Variants in UBAP2 observed in about 807,000 individuals in gnomAD.
The protein encoded by UBAP2 is ubiquitin-associated protein 2.
Under a neutral mutation model 139.6 loss-of-function variants are expected in UBAP2, and 75 were observed. That is an observed-to-expected ratio of 0.54 (90% CI 0.45 to 0.65). UBAP2 has a LOEUF of 0.65. Among genes scored for constraint, UBAP2 ranks in the 30% least tolerant of loss-of-function variants. UBAP2 has a pLI of 0.00. For missense variants in UBAP2, 1,368 were observed against 1,369.6 expected, an observed-to-expected ratio of 1.00 and a Z score of 0.02; for synonymous variants, 526 against 526.2, an observed-to-expected ratio of 1.00 and a Z score of 0.01.
At chr9:34,004,473 A>T (rs1031359087) in intron 2 of UBAP2, among the ~76,000 whole-genome samples, 1 of 151,670 alleles carries the variant, frequency 6.6e-6, no homozygotes, top group African/African-American at 2.4e-5. Context: ...TGACAGAACA[A>T]CCTGGTCACA....
chr9:33,985,510 T>C (rs934346704), intron 6 of UBAP2, among the ~76,000 whole-genome samples: 11 of 152,184 alleles, frequency 7.2e-5, no homozygotes, highest in Non-Finnish European at 1.5e-5. Context: ...ATCACGTCCT[T>C]TGGAGCAACA....
At chr9:34,011,775 A>C in intron 2 of UBAP2, 21 of 399,238 alleles carry the variant, frequency 5.3e-5, no homozygotes, top group South Asian at 1.0e-4. Context: ...GTCACATCTC[A>C]AGTTGAAAAA....
intron 12 of UBAP2, among the ~76,000 whole-genome samples, chr9:33,949,336 A>G (rs116231994): frequency 0.018 from 2,726 of 152,278 alleles, 87 homozygotes; most frequent in African/African-American, 0.062. Flanking sequence ...TCTGTGAACC[A>G]CAGTCTTCAT....
intron 1 of UBAP2, among the ~76,000 whole-genome samples, chr9:34,020,689 T>C (rs1160236729): frequency 1.3e-5 from 2 of 150,658 alleles, no homozygotes; most frequent in East Asian, 3.9e-4. Flanking sequence ...AGACAGAGTC[T>C]GGCTCAGTCA....
chr9:33,942,943 GGATATACATCCCAAA>G (rs1324049629), intron 15 of UBAP2, among the ~76,000 whole-genome samples: 3 of 151,938 alleles, frequency 2.0e-5, no homozygotes, highest in Non-Finnish European at 4.4e-5. Context: ...TCTACTCCTG[GGATATACATCCCAAA>G]GAACTGAAAG....
At chr9:34,013,968 A>T (rs1034526191) in intron 2 of UBAP2, among the ~76,000 whole-genome samples, 2 of 152,174 alleles carry the variant, frequency 1.3e-5, no homozygotes, top group African/African-American at 4.8e-5. Flanking sequence ...TTCCCAGAAT[A>T]GGATTAATGA....
At position 33,932,592 on chromosome 9, in the gene UBAP2, A is replaced by G. The variant is rs1466607438; in HGVS notation, c.2145T>C (p.His715=). The G allele has an allele frequency of 5.0e-6, 8 of 1,613,950 alleles. No homozygotes were observed. The highest frequency in any genetic ancestry group is 5.1e-6 in the Non-Finnish European group (6 of 1,180,026). Residue 715 remains histidine (H), a synonymous_variant, in exon 19 of 29, where the codon CAT becomes CAC. Coordinates refer to ENST00000379238, the MANE Select transcript of UBAP2 (RefSeq NM_001370062.2). ...GTGACGTGCTCGAGGAGAGGGCTGC[A>G]TGTGCAGAGAGGCTGCTCTGGTGGC... ...LSSHQSSLSA[H]AALSSSTSHT...
intron 2 of UBAP2, among the ~76,000 whole-genome samples, chr9:34,013,793 C>G (rs540426282): frequency 3.3e-5 from 5 of 151,702 alleles, no homozygotes; most frequent in African/African-American, 4.8e-5. Flanking sequence ...AGGAGAATCG[C>G]TTGGACCCAG....
At chr9:33,954,269 T>TACACACAC (rs60078088) in intron 11 of UBAP2, among the ~76,000 whole-genome samples, 2,151 of 139,888 alleles carry the variant, frequency 0.015, 38 homozygotes, top group African/African-American at 0.034. Context: ...TGTGTGTATA[T>TACACACAC]ACACACACAC....
At chr9:33,926,883 G>T in intron 21 of UBAP2, 106 bp downstream of exon 21, 2 of 1,163,484 alleles carry the variant, frequency 1.7e-6, no homozygotes, top group South Asian at 1.3e-5. Flanking sequence ...AGGGATGGAA[G>T]GGCAGCTCAA....
At position 33,922,600 on chromosome 9, in the gene UBAP2, C is replaced by CT. The variant is rs756513939; in HGVS notation, c.3265-2dup. The CT allele has an allele frequency of 2.5e-6, 4 of 1,612,706 alleles. No individual in the cohort carries two copies. The African/African-American group carries it at 5.3e-5, about 22-fold the overall frequency. ...GCTGGCTGCGCTGACCCGAGCCACT[C>CT]TGAGGAAGAGGAGAAGGGAAGGCTG... On this transcript the variant is annotated splice_acceptor_variant, in intron 28 of 28. Transcript: ENST00000379238. LOFTEE classifies it high-confidence loss of function.
intron 2 of UBAP2, among the ~76,000 whole-genome samples, chr9:34,010,607 T>C (rs549199514): frequency 1.4e-3 from 211 of 151,982 alleles, no homozygotes; most frequent in Middle Eastern, 6.8e-3. Context: ...AAAAAGGTAA[T>C]AGAACATATG....
At chr9:34,032,276 A>G (rs1231222998) in intron 1 of UBAP2, among the ~76,000 whole-genome samples, 1 of 152,216 alleles carries the variant, frequency 6.6e-6, no homozygotes, top group African/African-American at 2.4e-5. Flanking sequence ...TGAAAGGATG[A>G]AAGTAAGAAC....
rs1822197119 is a variant in UBAP2 at position 33,996,340 on chromosome 9, A to AAC, written c.178-9_178-8dup. On this transcript the variant is annotated splice_polypyrimidine_tract_variant and splice_region_variant and intron_variant, in intron 3 of 28. Coordinates refer to ENST00000379238, the MANE Select transcript of UBAP2 (RefSeq NM_001370062.2). ...TCCCTGTCACTTCCATAAGCTAGTG[A>AAC]ACATATCAGAAAATGGTTAGAGGCA... The AAC allele has an allele frequency of 2.5e-6, 4 of 1,604,842 alleles. No individual in the cohort carries two copies. The highest frequency in any genetic ancestry group is 3.4e-6 in the Non-Finnish European group (4 of 1,172,968).
At chr9:34,007,164 C>T (rs538503417) in intron 2 of UBAP2, among the ~76,000 whole-genome samples, 1 of 152,180 alleles carries the variant, frequency 6.6e-6, no homozygotes, top group East Asian at 1.9e-4. Flanking sequence ...CCCTTTATTT[C>T]CTTCTCTTGC....
At chr9:34,042,166 A>G (rs1244866329) in intron 1 of UBAP2, among the ~76,000 whole-genome samples, 1 of 152,090 alleles carries the variant, frequency 6.6e-6, no homozygotes, top group Non-Finnish European at 1.5e-5. Context: ...GGATATACAT[A>G]TAAGGTAAAA....
chr9:33,980,216 A>ATTTTTTTTTTTTTTTTTTTTTTT, intron 6 of UBAP2, among the ~76,000 whole-genome samples: 1 of 77,310 alleles, frequency 1.3e-5, no homozygotes, highest in Non-Finnish European at 2.7e-5. Context: ...CCTGAGTGTC[A>ATTTTTTTTTTTTTTTTTTTTTTT]TTTCTTTTTT....
At chr9:33,950,151 C>T (rs1429464879) in intron 12 of UBAP2, among the ~76,000 whole-genome samples, 1 of 152,134 alleles carries the variant, frequency 6.6e-6, no homozygotes, top group African/African-American at 2.4e-5. Flanking sequence ...CTGCAAGCTC[C>T]GCCTCCCAGG....
At chr9:33,924,049 A>C (rs780246057) in intron 23 of UBAP2, 49 bp from the exon 24 acceptor site, 1 of 1,608,250 alleles carries the variant, frequency 6.2e-7, no homozygotes, top group South Asian at 1.1e-5. Flanking sequence ...CAACCAGAGA[A>C]AGGCCACACT....
Sources: gnomAD v4.1 joint callset for allele counts (sites outside exome capture counted in the v4.1 genomes callset) on GRCh38, gnomAD v4.1.1 for gene constraint, MANE v1.5 for transcripts, NCBI Gene and HGNC (gene_info 2026-07-23, HGNC 2026-07-21) for gene names.